Variants in PLXNA1 observed in about 807,000 individuals in gnomAD.
The protein encoded by PLXNA1 is plexin-A1.
PLXNA1 carries 77 observed loss-of-function variants against 191.7 expected under a neutral mutation model. That is an observed-to-expected ratio of 0.40 (90% CI 0.33 to 0.49). PLXNA1 has a LOEUF of 0.49. Among genes scored for constraint, PLXNA1 ranks in the 20% least tolerant of loss-of-function variants. The pLI is 0.63. For missense variants in PLXNA1, 2,110 were observed against 2,660.2 expected (o/e 0.79, Z 4.55); for synonymous variants, 1,137 against 1,156.4 (o/e 0.98, Z 0.34).
intron 3 of PLXNA1, among the ~76,000 whole-genome samples, chr3:127,000,855 C>T (rs945610993): frequency 6.6e-5 from 10 of 152,206 alleles, no homozygotes; most frequent in Non-Finnish European, 1.2e-4. Context: ...TCACATCCAT[C>T]CTCTGGTCTG....
rs1282669146 is a variant in PLXNA1, at chr3:127,017,753, G to A, written c.3521G>A (p.Arg1174Gln). 3.1e-6 allele frequency: 5 copies of A among 1,613,232 alleles called. No individual in the cohort carries two copies. Among genetic ancestry groups the A allele is most frequent in the Non-Finnish European group, 4.2e-6 (5 of 1,180,022 alleles). ...GCTCACCCCCATCTCCTACAGGGCC[G>A]GAACCTCTTGCCACCTGCACCCGGC... ...KPSSPLILKG[R>Q]NLLPPAPGNS... Residue 1174 changes from arginine (R) to glutamine (Q), a missense_variant, in exon 19 of 32, where the codon CGG becomes CAG. Physicochemically the swap from Arg to Gln is conservative, Grantham distance 43. Transcript: ENST00000393409.
At position 127,003,483 on chromosome 3, in the gene PLXNA1, C is replaced by A; in HGVS notation, c.1518+13C>A. On this transcript the variant is annotated intron_variant, in intron 4 of 31. Transcript: ENST00000393409. ...GACCGAGAAGCAGGTGGGTGCTGCA[C>A]CAGTCAGACGGTGTGGCTGAAGGTG... 1 of 1,592,090 alleles carries A rather than the reference C, an allele frequency of 6.3e-7. No homozygotes were observed. The highest frequency in any genetic ancestry group is 8.6e-7 in the Non-Finnish European group (1 of 1,165,060).
chr3:127,003,425 C>T lies in PLXNA1; in HGVS notation c.1473C>T (p.Val491=), dbSNP rs536415458. ...GCAGCCCCATCCTGCGAGACCTCGT[C>T]CTCAGCCCCAACCACCAGTACCTCT... is the stretch of plus-strand genomic sequence containing the variant. ...QEGSPILRDL[V]LSPNHQYLYA... is the part of the protein sequence containing the mutation. Residue 491 remains valine (V), a synonymous_variant, in exon 4 of 32, where the codon GTC becomes GTT. Coordinates refer to ENST00000393409, the MANE Select transcript of PLXNA1 (RefSeq NM_032242.4). 9.3e-6 allele frequency: 15 copies of T among 1,611,968 alleles called. No individual in the cohort carries two copies. Among genetic ancestry groups the T allele is most frequent in the Non-Finnish European group, 1.3e-5 (15 of 1,179,480 alleles).
intron 15 of PLXNA1, 40 bp downstream of exon 15, chr3:127,015,360 C>T (rs1414677409): frequency 6.3e-7 from 1 of 1,579,684 alleles, no homozygotes; most frequent in Admixed American, 1.7e-5. Flanking sequence ...GGCTGCCCCT[C>T]CTCCTGTTTC....
chr3:127,016,780 C>T, intron 16 of PLXNA1, 96 bp downstream of exon 16: 2 of 1,459,360 alleles, frequency 1.4e-6, no homozygotes, highest in Non-Finnish European at 9.5e-7. Context: ...GGCCCTCCTG[C>T]ATGCCGGGTA....
chr3:127,005,452 A>G (rs1371539409), intron 7 of PLXNA1, among the ~76,000 whole-genome samples: 3 of 152,234 alleles, frequency 2.0e-5, no homozygotes. Flanking sequence ...CCTTCCTGCC[A>G]GGGAGGTGGA....
chr3:126,985,283 G>A (rs1304527508), intron 1 of PLXNA1, among the ~76,000 whole-genome samples: 2 of 152,082 alleles, frequency 1.3e-5, no homozygotes, highest in African/African-American at 4.8e-5. Context: ...CCTGGGCTGG[G>A]GCTCCTGCAC....
chr3:127,002,711 G>T (rs969965988), intron 3 of PLXNA1, among the ~76,000 whole-genome samples: 1 of 152,244 alleles, frequency 6.6e-6, no homozygotes, highest in South Asian at 2.1e-4. Flanking sequence ...TTTGGTAAAA[G>T]CAACTAAAAA....
chr3:127,031,519 G>A (rs2079211006), intron 29 of PLXNA1, among the ~76,000 whole-genome samples: 1 of 152,136 alleles, frequency 6.6e-6, no homozygotes, highest in Admixed American at 6.5e-5. Context: ...ACTCTCCACT[G>A]TCTTAGCTCC....
intron 1 of PLXNA1, among the ~76,000 whole-genome samples, chr3:126,983,746 T>G (rs919660): frequency 1 from 151,584 of 151,806 alleles, 75,681 homozygotes; most frequent in Middle Eastern, 1. Flanking sequence ...TCCAGGCCCG[T>G]CCCGGCCGCT....
chr3:126,989,763 C>CTCGGTG lies in PLXNA1; in HGVS notation c.1170_1171insTCGGTG (p.Asn390_Lys391insSerVal). On this transcript the variant is annotated inframe_insertion, in exon 2 of 32. Transcript: ENST00000393409. ...AGCTCTCCCTGCCGTGGCTGCTCAA[C>CTCGGTG]AAGGAGCTGGGCTGCATCAACTCGG... 1 of 1,610,734 alleles carries CTCGGTG rather than the reference C, an allele frequency of 6.2e-7. No individual in the cohort carries two copies. The highest frequency in any genetic ancestry group is 8.5e-7 in the Non-Finnish European group (1 of 1,178,636).
intron 23 of PLXNA1, among the ~76,000 whole-genome samples, chr3:127,025,797 A>G (rs147923072): frequency 2.0e-5 from 3 of 152,252 alleles, no homozygotes; most frequent in Non-Finnish European, 2.9e-5. Context: ...TGGTCTGTGC[A>G]TACAATGAGA....
At chr3:126,991,258 C>G (rs1367012893) in intron 2 of PLXNA1, 126 bp from the exon 3 acceptor site, 28 of 994,040 alleles carry the variant, frequency 2.8e-5, no homozygotes, top group Non-Finnish European at 4.1e-5. Flanking sequence ...CTGTCTGCAC[C>G]TCTCCTCTGG....
At position 126,989,220 on chromosome 3, in the gene PLXNA1, C is replaced by T. The variant is rs149556400; in HGVS notation, c.627C>T (p.Asn209=). 3.0e-5 allele frequency: 49 copies of T among 1,613,516 alleles called. No homozygotes were observed. The highest frequency in any genetic ancestry group is 3.5e-5 in the Non-Finnish European group (41 of 1,180,060). ...PTLSSRRLMA[N]EEDADMFGFV... The stretch of plus-strand genomic sequence containing the variant: ...TGTCCAGCCGTCGGCTCATGGCCAA[C>T]GAGGAGGATGCCGACATGTTCGGCT... Residue 209 remains asparagine (N), a synonymous_variant, in exon 2 of 32, where the codon AAC becomes AAT. Coordinates refer to ENST00000393409, the MANE Select transcript of PLXNA1 (RefSeq NM_032242.4).
chr3:127,000,239 G>C (rs372836548), intron 3 of PLXNA1, among the ~76,000 whole-genome samples: 114 of 152,238 alleles, frequency 7.5e-4, no homozygotes, highest in African/African-American at 2.6e-3. Context: ...GGTGACAGCT[G>C]GGGGAAGATT....
At chr3:127,010,924 C>T (rs964919859) in intron 9 of PLXNA1, among the ~76,000 whole-genome samples, 4 of 152,272 alleles carry the variant, frequency 2.6e-5, no homozygotes, top group African/African-American at 7.2e-5. Flanking sequence ...CATTCTCGGG[C>T]GCTCACGGGC....
intron 19 of PLXNA1, among the ~76,000 whole-genome samples, 167 bp from the exon 20 acceptor site, chr3:127,018,127 C>T (rs529252108): frequency 3.9e-5 from 6 of 152,134 alleles, no homozygotes; most frequent in African/African-American, 7.2e-5. Context: ...GCTGGCCAGG[C>T]GCCTGCCCTG....
intron 23 of PLXNA1, among the ~76,000 whole-genome samples, chr3:127,024,710 A>G (rs965444632): frequency 2.6e-5 from 4 of 152,100 alleles, no homozygotes; most frequent in African/African-American, 9.7e-5. Flanking sequence ...GAGGACCCCT[A>G]TATATGCAAG....
chr3:127,027,752 G>C (rs1009359995), intron 23 of PLXNA1, 188 bp from the exon 24 acceptor site: 2 of 778,348 alleles, frequency 2.6e-6, no homozygotes, highest in African/African-American at 3.4e-5. Flanking sequence ...GGTATGTTTT[G>C]TTTCCTGATT....
Sources: allele counts gnomAD v4.1 joint callset (sites outside exome capture counted in the v4.1 genomes callset), GRCh38; gene constraint gnomAD v4.1.1; transcripts MANE v1.5; gene names NCBI Gene and HGNC (gene_info 2026-07-23, HGNC 2026-07-21).